MED26: variants seen among roughly 807,000 people sequenced by gnomAD.
The protein encoded by MED26 is mediator of RNA polymerase II transcription subunit 26.
Under a neutral mutation model 43.7 loss-of-function variants are expected in MED26, and 7 were observed. The ratio of observed to expected loss-of-function variants is 0.16; its 90% confidence interval spans 0.09 to 0.30. The LOEUF (loss-of-function observed/expected upper bound fraction) is 0.30, where lower values mean the gene tolerates loss of function less well. MED26 is among the 10% of genes least tolerant of loss of function. MED26 has a pLI of 1.00. For missense variants in MED26, 784 were observed against 840.6 expected (o/e 0.93, Z 0.83); for synonymous variants, 375 against 371.1 (o/e 1.01, Z -0.12).
intron 1 of MED26, among the ~76,000 whole-genome samples, chr19:16,595,552 C>A (rs2086116473): frequency 6.6e-6 from 1 of 152,118 alleles, no homozygotes; most frequent in Non-Finnish European, 1.5e-5. Context: ...GCTGAGAGTG[C>A]CCAGCAGACC....
intron 1 of MED26, among the ~76,000 whole-genome samples, chr19:16,625,936 C>G (rs2086272898): frequency 6.6e-6 from 1 of 152,200 alleles, no homozygotes; most frequent in African/African-American, 2.4e-5. Flanking sequence ...AAGATCATCA[C>G]TAAAGTCCCT....
intron 1 of MED26, among the ~76,000 whole-genome samples, chr19:16,620,565 C>T (rs1323835439): frequency 6.6e-6 from 1 of 152,236 alleles, no homozygotes; most frequent in Non-Finnish European, 1.5e-5. Flanking sequence ...AACACCTGCT[C>T]TCCTACTTGG....
chr19:16,589,934 AG>A (rs2086088228), intron 1 of MED26, among the ~76,000 whole-genome samples: 1 of 152,218 alleles, frequency 6.6e-6, no homozygotes, highest in African/African-American at 2.4e-5. Context: ...AGAGCCCCAC[AG>A]AACAAGGTCT....
chr19:16,609,336 A>AAAAAAAAAAGAGAGAG lies in MED26; in HGVS notation c.72+18535_72+18536insCTCTCTCTTTTTTTTT, dbSNP rs765489188. Among the ~76,000 whole-genome samples, 698 of 142,124 alleles carry AAAAAAAAAAGAGAGAG rather than the reference A, an allele frequency of 4.9e-3. 34 individuals are homozygous for AAAAAAAAAAGAGAGAG. The highest frequency in any genetic ancestry group is 8.2e-3 in the Non-Finnish European group (525 of 63,910). 93.2% of individuals were successfully genotyped at this position (142,124 alleles called of 152,430 possible). On this transcript the variant is annotated intron_variant, in intron 1 of 2. Coordinates refer to ENST00000263390, the MANE Select transcript of MED26 (RefSeq NM_004831.5). ...CAAAAAAAAAAAAAAAAAAAAAAAA[A>AAAAAAAAAAGAGAGAG]AGAGAGAGAATAAGATATTAACCAA...
At position 16,578,316 on chromosome 19, in the gene MED26, T is replaced by TG; in HGVS notation, c.147+18dup. ...CCCCCCGTTCTGCCCTCCCAAATGC[T>TG]GGGGTCTGGGATACTCACCTCAAGT... is the stretch of plus-strand genomic sequence containing the variant. On this transcript the variant is annotated intron_variant, in intron 2 of 2. Transcript: ENST00000263390. 4 of 1,612,108 alleles carry TG rather than the reference T, an allele frequency of 2.5e-6. No individual in the cohort carries two copies. Among genetic ancestry groups the TG allele is most frequent in the Non-Finnish European group, 3.4e-6 (4 of 1,178,254 alleles).
intron 1 of MED26, among the ~76,000 whole-genome samples, chr19:16,600,640 A>G (rs2086144194): frequency 6.6e-6 from 1 of 152,050 alleles, no homozygotes; most frequent in South Asian, 2.1e-4. Flanking sequence ...ACTGACCCCA[A>G]GTGTAAGATG....
At chr19:16,598,305 C>T (rs2086131843) in intron 1 of MED26, among the ~76,000 whole-genome samples, 1 of 140,650 alleles carries the variant, frequency 7.1e-6, no homozygotes, top group Admixed American at 7.4e-5. Context: ...CCATTGCACT[C>T]CAGCCTGGGC....
chr19:16,612,453 G>A (rs557525225), intron 1 of MED26, among the ~76,000 whole-genome samples: 2 of 151,234 alleles, frequency 1.3e-5, no homozygotes, highest in African/African-American at 4.9e-5. Context: ...CCCACCTAAT[G>A]TTTGTGATTT....
chr19:16,608,943 G>A (rs1318371326), intron 1 of MED26, among the ~76,000 whole-genome samples: 1 of 152,178 alleles, frequency 6.6e-6, no homozygotes, highest in African/African-American at 2.4e-5. Flanking sequence ...CAGGACAATT[G>A]AGAAAATATT....
chr19:16,604,420 C>T (rs76550895), intron 1 of MED26, among the ~76,000 whole-genome samples: 5,269 of 152,270 alleles, frequency 0.035, 110 homozygotes, highest in Non-Finnish European at 0.05. Flanking sequence ...TAAAGGAAGA[C>T]GTATTTATTG....
At chr19:16,601,590 C>T (rs2086149778) in intron 1 of MED26, among the ~76,000 whole-genome samples, 1 of 152,208 alleles carries the variant, frequency 6.6e-6, no homozygotes, top group African/African-American at 2.4e-5. Flanking sequence ...AAGTGTGTAG[C>T]AGGCAGGGCT....
chr19:16,600,058 G>A (rs1400591780), intron 1 of MED26, among the ~76,000 whole-genome samples: 2 of 152,152 alleles, frequency 1.3e-5, no homozygotes, highest in Non-Finnish European at 1.5e-5. Flanking sequence ...TGTGAGAGGG[G>A]GGACAGGCAG....
intron 1 of MED26, among the ~76,000 whole-genome samples, chr19:16,622,502 T>C (rs139286398): frequency 3.2e-4 from 48 of 152,376 alleles, no homozygotes; most frequent in Admixed American, 7.8e-4. Flanking sequence ...TATGTCTTTC[T>C]TACTCAGGAA....
intron 1 of MED26, among the ~76,000 whole-genome samples, chr19:16,594,198 A>G (rs970157491): frequency 6.6e-6 from 1 of 152,224 alleles, no homozygotes; most frequent in East Asian, 1.9e-4. Flanking sequence ...AGCCTGTGTT[A>G]TCTGCTGGCT....
At chr19:16,596,629 G>C (rs908196037) in intron 1 of MED26, among the ~76,000 whole-genome samples, 4 of 152,218 alleles carry the variant, frequency 2.6e-5, no homozygotes, top group African/African-American at 9.7e-5. Flanking sequence ...GAACATGCTG[G>C]CACAGGGTGG....
In MED26 at chr19:16,576,969, C is replaced by A; in HGVS notation, c.861G>T (p.Gln287His). Residue 287 changes from glutamine to histidine, a missense_variant, in exon 3 of 3, where the codon CAG becomes CAT. Transcript: ENST00000263390. The surrounding 1 kb of genome is among the most constrained non-coding windows in gnomAD (Gnocchi z 6.8). Reference protein sequence around the residue: ...NSRHEGSFARQQSLYAPKGSV... With the variant: ...NSRHEGSFARHQSLYAPKGSV... The stretch of plus-strand genomic sequence containing the variant: ...AGCCCTTGGGTGCATACAAGCTCTG[C>A]TGCCGGGCAAAGGAGCCCTCATGCC... 1.9e-6 allele frequency: 3 copies of A among 1,599,796 alleles called. No homozygotes were observed. The highest frequency in any genetic ancestry group is 1.7e-5 in the Admixed American group (1 of 59,350).
chr19:16,581,695 C>A (rs1259186796), intron 1 of MED26, among the ~76,000 whole-genome samples: 6 of 152,254 alleles, frequency 3.9e-5, no homozygotes, highest in Admixed American at 3.9e-4. Flanking sequence ...GAACTAACAG[C>A]CAGTCCCAAG....
At chr19:16,597,810 C>T (rs35443763) in intron 1 of MED26, among the ~76,000 whole-genome samples, 4,736 of 152,230 alleles carry the variant, frequency 0.031, 181 homozygotes, top group Admixed American at 0.085. Flanking sequence ...GCAACCTCTG[C>T]GTCCCAGGCT....
At chr19:16,592,404 C>A (rs184685735) in intron 1 of MED26, among the ~76,000 whole-genome samples, 1 of 152,196 alleles carries the variant, frequency 6.6e-6, no homozygotes, top group African/African-American at 2.4e-5. Flanking sequence ...AGGGTCCAGA[C>A]AAACCACAAC....
Sources: gnomAD v4.1 joint callset for allele counts (sites outside exome capture counted in the v4.1 genomes callset) on GRCh38, gnomAD v4.1.1 for gene constraint, Gnocchi (gnomAD v3.1) non-coding constraint, MANE v1.5 for transcripts, NCBI Gene and HGNC (gene_info 2026-07-23, HGNC 2026-07-21) for gene names.